Variants in TAF3 observed in about 807,000 individuals in gnomAD.
The protein encoded by TAF3 is transcription initiation factor TFIID subunit 3.
A neutral mutation model predicts 80.6 loss-of-function variants in TAF3; 7 were observed. That is an observed-to-expected ratio of 0.09 (90% CI 0.05 to 0.16). TAF3 has a LOEUF of 0.16. TAF3 is among the 10% of genes least tolerant of loss of function. The pLI is 1.00. For missense variants in TAF3, 921 were observed against 1,140.2 expected (o/e 0.81, Z 2.77); for synonymous variants, 444 against 446.1 (o/e 1.00, Z 0.06).
intron 4 of TAF3, among the ~76,000 whole-genome samples, chr10:8,002,356 C>A (rs917623405): frequency 1.3e-5 from 2 of 151,996 alleles, no homozygotes; most frequent in Non-Finnish European, 2.9e-5. Flanking sequence ...TGCTTTTTGG[C>A]GGGAGCTATA....
At chr10:7,822,148 A>T (rs960248689) in intron 1 of TAF3, among the ~76,000 whole-genome samples, 1 of 151,896 alleles carries the variant, frequency 6.6e-6, no homozygotes, top group Admixed American at 6.6e-5. Flanking sequence ...ACTGACAGTG[A>T]TGTGCATAAG....
At chr10:7,887,590 A>G (rs369108412) in intron 2 of TAF3, among the ~76,000 whole-genome samples, 17 of 152,178 alleles carry the variant, frequency 1.1e-4, no homozygotes, top group African/African-American at 3.1e-4. Flanking sequence ...TCCTAGTGAT[A>G]AGTGTGAACT....
intron 1 of TAF3, among the ~76,000 whole-genome samples, chr10:7,819,144 G>T (rs1451275251): frequency 6.6e-6 from 1 of 152,024 alleles, no homozygotes; most frequent in African/African-American, 2.4e-5. Context: ...CCGCTCCTCC[G>T]CTCTGAATTG....
chr10:7,979,403 C>T (rs2131421344), intron 4 of TAF3, among the ~76,000 whole-genome samples: 1 of 151,022 alleles, frequency 6.6e-6, no homozygotes, highest in Admixed American at 6.6e-5. Context: ...TTCAACTCAC[C>T]TGCCTTTAAG....
At chr10:8,004,710 CCTCT>C (rs983913885) in intron 4 of TAF3, among the ~76,000 whole-genome samples, 20 of 152,076 alleles carry the variant, frequency 1.3e-4, no homozygotes, top group Admixed American at 2.6e-4. Flanking sequence ...TCAGATTTTT[CCTCT>C]CTATCTATGA....
At chr10:7,939,971 A>C (rs1448194512) in intron 2 of TAF3, among the ~76,000 whole-genome samples, 2 of 152,222 alleles carry the variant, frequency 1.3e-5, no homozygotes, top group Non-Finnish European at 2.9e-5. Context: ...CAAGAGTCTA[A>C]AAGGTACCCA....
At chr10:7,859,794 C>T (rs903891881) in intron 2 of TAF3, among the ~76,000 whole-genome samples, 2 of 152,154 alleles carry the variant, frequency 1.3e-5, no homozygotes, top group African/African-American at 2.4e-5. Flanking sequence ...TGTTTCATTC[C>T]TAGCACTTAT....
rs539759437 is a variant in TAF3 at position 7,946,300 on chromosome 10, C to T, written c.410-17620C>T. Among the ~76,000 whole-genome samples, 16 of 152,340 alleles carry T rather than the reference C, an allele frequency of 1.1e-4. 1 individual carries two copies. The South Asian group carries it at 1.7e-3, about 16-fold the overall frequency. ...CATGCCTCAGACACAAAACTCGTTACGCAGTATGGCTGTCCACATGCTGTC... is the reference window on the plus strand; with the variant it reads ...CATGCCTCAGACACAAAACTCGTTATGCAGTATGGCTGTCCACATGCTGTC... On this transcript the variant is annotated intron_variant, in intron 2 of 6. Coordinates refer to ENST00000344293, the MANE Select transcript of TAF3 (RefSeq NM_031923.4).
chr10:7,913,278 T>C (rs994985693), intron 2 of TAF3, among the ~76,000 whole-genome samples: 1 of 152,170 alleles, frequency 6.6e-6, no homozygotes, highest in East Asian at 1.9e-4. Flanking sequence ...GAGGACATGA[T>C]TGAGTTCATA....
intron 2 of TAF3, among the ~76,000 whole-genome samples, chr10:7,946,091 A>G (rs1450245112): frequency 6.6e-6 from 1 of 152,156 alleles, no homozygotes; most frequent in Non-Finnish European, 1.5e-5. Flanking sequence ...GTCATCCATA[A>G]CGTCACTGCA....
intron 2 of TAF3, among the ~76,000 whole-genome samples, chr10:7,896,773 T>TTTTCAACTA (rs1277710631): frequency 6.6e-6 from 1 of 152,210 alleles, no homozygotes; most frequent in Non-Finnish European, 1.5e-5. Flanking sequence ...CACTGAGTTA[T>TTTTCAACTA]TTTCAACAGT....
chr10:7,829,795 C>A (rs11255389), intron 2 of TAF3, among the ~76,000 whole-genome samples: 1 of 152,068 alleles, frequency 6.6e-6, no homozygotes, highest in African/African-American at 2.4e-5. Context: ...GTGCGTAGCC[C>A]GCCCTTAAGG....
At chr10:7,871,435 C>CTTTTTTTTTTTTTTTTTTGT (rs1837264262) in intron 2 of TAF3, among the ~76,000 whole-genome samples, 1 of 69,116 alleles carries the variant, frequency 1.4e-5, no homozygotes, top group Non-Finnish European at 2.9e-5. Flanking sequence ...ATAACTGCTG[C>CTTTTTTTTTTTTTTTTTTGT]TTTTTTTTTT....
rs1053179296 is a variant in TAF3 at position 8,014,224 on chromosome 10, T to G, written c.2675+387T>G. On this transcript the variant is annotated intron_variant, in intron 6 of 6. Coordinates refer to ENST00000344293, the MANE Select transcript of TAF3 (RefSeq NM_031923.4). ...TACAAACTGCAGGACTAAAGACTGCTTATCTGTTTTTTAGACCTCTTCAGC... is the reference window on the plus strand; with the variant it reads ...TACAAACTGCAGGACTAAAGACTGCGTATCTGTTTTTTAGACCTCTTCAGC... 2.6e-5 allele frequency among the ~76,000 whole-genome samples: 4 copies of G among 152,226 alleles called. No homozygotes were observed. The South Asian group carries it at 6.2e-4, about 24-fold the overall frequency.
chr10:7,943,331 G>A (rs916871197), intron 2 of TAF3, among the ~76,000 whole-genome samples: 3 of 152,114 alleles, frequency 2.0e-5, no homozygotes, highest in South Asian at 4.1e-4. Flanking sequence ...TAGATGATAC[G>A]TTTGTTTCCT....
At chr10:7,836,502 G>A (rs1327325412) in intron 2 of TAF3, among the ~76,000 whole-genome samples, 3 of 152,058 alleles carry the variant, frequency 2.0e-5, no homozygotes, top group African/African-American at 7.2e-5. Context: ...TTGAACTCCC[G>A]ACCTTGGGTG....
At chr10:7,881,962 G>A (rs947578323) in intron 2 of TAF3, among the ~76,000 whole-genome samples, 3 of 152,170 alleles carry the variant, frequency 2.0e-5, no homozygotes, top group African/African-American at 7.2e-5. Flanking sequence ...ATTCACCAGC[G>A]TGTCCTGGAA....
chr10:7,837,504 G>A (rs113656736), intron 2 of TAF3, among the ~76,000 whole-genome samples: 16 of 152,248 alleles, frequency 1.1e-4, no homozygotes, highest in South Asian at 8.3e-4. Context: ...TTAGCTGGGC[G>A]TGGTGGTGCG....
chr10:7,878,928 A>T (rs1057462829), intron 2 of TAF3, among the ~76,000 whole-genome samples: 1 of 152,028 alleles, frequency 6.6e-6, no homozygotes, highest in Non-Finnish European at 1.5e-5. Context: ...GGGTTTCCCT[A>T]TGTTGGCCAG....
Sources: gnomAD v4.1 joint callset for allele counts (sites outside exome capture counted in the v4.1 genomes callset) on GRCh38, gnomAD v4.1.1 for gene constraint, MANE v1.5 for transcripts, NCBI Gene and HGNC (gene_info 2026-07-23, HGNC 2026-07-21) for gene names.